TMEM45B: variants seen among roughly 807,000 people sequenced by gnomAD.
TMEM45B encodes the protein transmembrane protein 45B.
A neutral mutation model predicts 27.3 loss-of-function variants in TMEM45B; 29 were observed. That is an observed-to-expected ratio of 1.06 (90% CI 0.79 to 1.45). The LOEUF (loss-of-function observed/expected upper bound fraction) is 1.45, where lower values mean the gene tolerates loss of function less well. Among genes scored for constraint, TMEM45B ranks in the 40% most tolerant of loss-of-function variants. The pLI is 0.00. For synonymous variants in TMEM45B, 143 were observed against 134.7 expected (o/e 1.06, Z -0.43); for missense variants, 348 against 343.9 (o/e 1.01, Z -0.09).
At chr11:129,837,502 G>C (rs1947635231) in intron 1 of TMEM45B, among the ~76,000 whole-genome samples, 1 of 150,590 alleles carries the variant, frequency 6.6e-6, no homozygotes, top group Non-Finnish European at 1.5e-5. Context: ...GGCCAGGCTG[G>C]TCTTGAACTC....
At position 129,837,212 on chromosome 11, in the gene TMEM45B, GC is replaced by G. The variant is rs1168247453; in HGVS notation, c.-8-15260del. Among the ~76,000 whole-genome samples, 10 of 152,208 alleles carry G rather than the reference GC, an allele frequency of 6.6e-5. No individual in the cohort carries two copies. The East Asian group carries it at 1.7e-3, about 26-fold the overall frequency. Reference sequence around the variant, plus strand: ...GCATGCTCTTCTCCCTTTAAGACCAGCCCGGGCTGGTCTCTACCACGTGTAG... The same window carrying G: ...GCATGCTCTTCTCCCTTTAAGACCAGCCGGGCTGGTCTCTACCACGTGTAG... On this transcript the variant is annotated intron_variant, in intron 1 of 5. Coordinates refer to ENST00000281441, the MANE Select transcript of TMEM45B (RefSeq NM_138788.5).
chr11:129,830,434 T>C (rs561729414), intron 1 of TMEM45B, among the ~76,000 whole-genome samples: 1 of 152,314 alleles, frequency 6.6e-6, no homozygotes, highest in African/African-American at 2.4e-5. Context: ...GGTTAAGCAG[T>C]GGTTTCTTGG....
intron 1 of TMEM45B, among the ~76,000 whole-genome samples, chr11:129,817,726 A>C (rs1235961722): frequency 6.6e-6 from 1 of 152,150 alleles, no homozygotes; most frequent in Middle Eastern, 3.2e-3. Context: ...ATTGAATCTC[A>C]CATTTGGCAC....
intron 1 of TMEM45B, among the ~76,000 whole-genome samples, chr11:129,844,133 A>G (rs1041059915): frequency 6.6e-6 from 1 of 152,220 alleles, no homozygotes; most frequent in Non-Finnish European, 1.5e-5. Flanking sequence ...AAAGAAGGAA[A>G]TCCTGCTATT....
At chr11:129,832,163 T>C (rs1220383696) in intron 1 of TMEM45B, among the ~76,000 whole-genome samples, 1 of 148,838 alleles carries the variant, frequency 6.7e-6, no homozygotes, top group Non-Finnish European at 1.5e-5. Context: ...GAGGTCAGGA[T>C]ATCAAGACCA....
intron 1 of TMEM45B, among the ~76,000 whole-genome samples, chr11:129,843,605 G>GAA (rs148673798): frequency 4.7e-4 from 65 of 137,042 alleles, no homozygotes; most frequent in Admixed American, 6.4e-4. Context: ...TCTGCTTTGA[G>GAA]AAAAAAAAAA....
chr11:129,843,035 G>A (rs1377079185), intron 1 of TMEM45B, among the ~76,000 whole-genome samples: 2 of 152,222 alleles, frequency 1.3e-5, no homozygotes, highest in African/African-American at 2.4e-5. Context: ...CGCCTCTCAG[G>A]TTCAAGCGAT....
chr11:129,836,443 G>A (rs1314588687), intron 1 of TMEM45B, among the ~76,000 whole-genome samples: 1 of 152,198 alleles, frequency 6.6e-6, no homozygotes, highest in Non-Finnish European at 1.5e-5. Flanking sequence ...TTTTGCATAT[G>A]AGAAGGATAT....
intron 1 of TMEM45B, among the ~76,000 whole-genome samples, chr11:129,826,710 T>TC (rs1236342331): frequency 1.7e-5 from 2 of 116,376 alleles, no homozygotes; most frequent in Non-Finnish European, 3.8e-5. Context: ...AATTTGTTTT[T>TC]CTTTTTTTTT....
chr11:129,836,687 A>G (rs1426604674), intron 1 of TMEM45B, among the ~76,000 whole-genome samples: 1 of 152,240 alleles, frequency 6.6e-6, no homozygotes, highest in Non-Finnish European at 1.5e-5. Flanking sequence ...GGACACTGAG[A>G]GAAGATGGCC....
At chr11:129,843,395 G>T (rs1184268857) in intron 1 of TMEM45B, among the ~76,000 whole-genome samples, 2 of 152,130 alleles carry the variant, frequency 1.3e-5, no homozygotes, top group African/African-American at 4.8e-5. Context: ...TTTAATAATT[G>T]TTTACTATAA....
At chr11:129,835,486 A>T (rs979574616) in intron 1 of TMEM45B, among the ~76,000 whole-genome samples, 4 of 152,234 alleles carry the variant, frequency 2.6e-5, no homozygotes, top group African/African-American at 9.6e-5. Flanking sequence ...AATAGGAAGA[A>T]ATGAAGGAAG....
intron 1 of TMEM45B, among the ~76,000 whole-genome samples, chr11:129,837,177 C>A (rs537950574): frequency 6.6e-6 from 1 of 152,210 alleles, no homozygotes; most frequent in Non-Finnish European, 1.5e-5. Flanking sequence ...CCCACTTACT[C>A]CCTCTTACAG....
At chr11:129,847,411 T>TTTTTTTATTTC (rs1555072241) in intron 1 of TMEM45B, among the ~76,000 whole-genome samples, 1 of 86,346 alleles carries the variant, frequency 1.2e-5, no homozygotes, top group Non-Finnish European at 3.2e-5. Flanking sequence ...GAAGTTATTT[T>TTTTTTTATTTC]TTTTTATTTT....
intron 1 of TMEM45B, among the ~76,000 whole-genome samples, chr11:129,831,810 G>A (rs1439829871): frequency 4.6e-5 from 7 of 152,188 alleles, no homozygotes; most frequent in Non-Finnish European, 1.0e-4. Flanking sequence ...GCCCATGCCT[G>A]TAATCCCAGC....
At position 129,852,679 on chromosome 11, in the gene TMEM45B, T is replaced by C; in HGVS notation, c.178+19T>C. 6.3e-7 allele frequency: 1 copy of C among 1,586,284 alleles called. No individual in the cohort carries two copies. The highest frequency in any genetic ancestry group is 1.3e-5 in the African/African-American group (1 of 74,540). On this transcript the variant is annotated intron_variant, in intron 2 of 5. Transcript: ENST00000281441. ...GTCACTGGTAAGAGCAGGGGTCATTTGGTCTAGGGAATCTCCTCATCATAC... is the reference window on the plus strand; with the variant it reads ...GTCACTGGTAAGAGCAGGGGTCATTCGGTCTAGGGAATCTCCTCATCATAC...
chr11:129,845,730 G>A (rs1167929937), intron 1 of TMEM45B, among the ~76,000 whole-genome samples: 1 of 152,254 alleles, frequency 6.6e-6, no homozygotes, highest in African/African-American at 2.4e-5. Flanking sequence ...TAAAAAGGCA[G>A]AGATTGTCAA....
chr11:129,840,670 G>A (rs999560552), intron 1 of TMEM45B, among the ~76,000 whole-genome samples: 52 of 152,012 alleles, frequency 3.4e-4, no homozygotes, highest in African/African-American at 1.2e-3. Flanking sequence ...ATCACTTGAG[G>A]TCAGGAGTTC....
chr11:129,859,182 A>G lies in TMEM45B; in HGVS notation c.*497A>G, dbSNP rs1362887286. 1 of 152,278 alleles carries G rather than the reference A, an allele frequency of 6.6e-6. No individual in the cohort carries two copies. Among genetic ancestry groups the G allele is most frequent in the African/African-American group, 2.4e-5 (1 of 41,464 alleles). 9.4% of individuals were successfully genotyped at this position (152,278 alleles called of 1,614,324 possible). ...AATTCTAACTTACATATTTTTTGAA[A>G]GTAAAATAATTCACAAGCTTTGGTA... On this transcript the variant is annotated 3_prime_UTR_variant, in exon 6 of 6. Coordinates refer to ENST00000281441, the MANE Select transcript of TMEM45B (RefSeq NM_138788.5).
Sources: allele counts gnomAD v4.1 joint callset (sites outside exome capture counted in the v4.1 genomes callset), GRCh38; gene constraint gnomAD v4.1.1; transcripts MANE v1.5; gene names NCBI Gene and HGNC (gene_info 2026-07-23, HGNC 2026-07-21).